The following KPNA6 variants were observed in gnomAD, a reference collection of about 807,000 sequenced individuals.
KPNA6 encodes importin subunit alpha-7.
In KPNA6, 9 loss-of-function variants were observed where a neutral mutation model predicts 72.0. That is an observed-to-expected ratio of 0.13 (90% CI 0.08 to 0.22). The LOEUF is 0.22. Ranked by LOEUF, KPNA6 falls within the 10% of genes least tolerant of loss-of-function variation. KPNA6 has a pLI of 1.00. For synonymous variants in KPNA6, 219 were observed against 242.1 expected (o/e 0.90, Z 0.89); for missense variants, 374 against 655.7 (o/e 0.57, Z 4.69).
chr1:32,150,572 C>T (rs1642010961), intron 1 of KPNA6, among the ~76,000 whole-genome samples: 1 of 152,112 alleles, frequency 6.6e-6, no homozygotes, highest in Non-Finnish European at 1.5e-5. Flanking sequence ...TAACTTTTGA[C>T]TGATTTTTCT....
Position 32,108,087 on chromosome 1 carries a change from G to A in KPNA6, c.-44G>A, listed in dbSNP as rs764287261. 1.2e-6 allele frequency: 2 copies of A among 1,613,714 alleles called. No individual in the cohort carries two copies. Among genetic ancestry groups the A allele is most frequent in the South Asian group, 1.1e-5 (1 of 91,046 alleles). The stretch of plus-strand genomic sequence containing the variant: ...TCTACTGAAAGCTGCCGCTGAAGCT[G>A]CCGCCGTTGCCTCCGCCGCCAAGAG... On this transcript the variant is annotated 5_prime_UTR_variant, in exon 1 of 14. Transcript: ENST00000373625.
rs67312157 is a variant in KPNA6, at chr1:32,128,387, TTATATATATATATATATATATATATA to T, written c.4+20268_4+20293del. ...TATATTTTTTATATTATATATGTAT[TTATATATATATATATATATATATATA>T]TATATATATATATACACACACACAC... is the stretch of plus-strand genomic sequence containing the variant. On this transcript the variant is annotated intron_variant, in intron 1 of 13. Transcript: ENST00000373625. Among the ~76,000 whole-genome samples the T allele has an allele frequency of 2.2e-4, 16 of 72,170 alleles. 1 individual carries two copies. The highest frequency in any genetic ancestry group is 4.9e-4 in the South Asian group (1 of 2,060). 47.3% of individuals were successfully genotyped at this position (72,170 alleles called of 152,430 possible).
At chr1:32,125,769 TG>T (rs1253384743) in intron 1 of KPNA6, among the ~76,000 whole-genome samples, 4 of 152,266 alleles carry the variant, frequency 2.6e-5, no homozygotes, top group Admixed American at 2.0e-4. Flanking sequence ...CCTAATTTTT[TG>T]AATTTTAGAA....
intron 10 of KPNA6, among the ~76,000 whole-genome samples, chr1:32,165,502 AC>A (rs1323743058): frequency 1.3e-5 from 2 of 151,850 alleles, no homozygotes; most frequent in Admixed American, 1.3e-4. Flanking sequence ...CAGCCCTGCA[AC>A]ATGGGAAGAC....
chr1:32,145,057 A>G (rs544462328), intron 1 of KPNA6, among the ~76,000 whole-genome samples: 4 of 147,888 alleles, frequency 2.7e-5, no homozygotes, highest in African/African-American at 1.0e-4. Flanking sequence ...GGTTCATGCC[A>G]TTCTTCTGCC....
intron 1 of KPNA6, among the ~76,000 whole-genome samples, chr1:32,115,292 C>T (rs544303696): frequency 3.3e-5 from 5 of 152,084 alleles, no homozygotes; most frequent in Admixed American, 1.3e-4. Context: ...CCCGCTACCA[C>T]GCCCGGCTAA....
chr1:32,158,014 CCTTT>C (rs1364234687), intron 4 of KPNA6, among the ~76,000 whole-genome samples: 7 of 152,304 alleles, frequency 4.6e-5, no homozygotes, highest in Admixed American at 4.6e-4. Flanking sequence ...CTCTCCCACA[CCTTT>C]CTTTGCTTAC....
At chr1:32,164,027 A>G (rs1030553726) in intron 10 of KPNA6, among the ~76,000 whole-genome samples, 2 of 152,182 alleles carry the variant, frequency 1.3e-5, no homozygotes, top group African/African-American at 4.8e-5. Flanking sequence ...ATCATCTCAA[A>G]CTGAAACCGT....
chr1:32,160,816 A>G lies in KPNA6; in HGVS notation c.647+113A>G, dbSNP rs138639071. ...ATGATAGGTAAGTGCAAAAACTATA[A>G]AAATGCATTCTGATTGCCAAAGTAA... On this transcript the variant is annotated intron_variant, in intron 7 of 13. Transcript: ENST00000373625. 32 of 731,784 alleles carry G rather than the reference A, an allele frequency of 4.4e-5. No individual in the cohort carries two copies. In the East Asian group the frequency reaches 6.7e-4, roughly 15 times the overall value. The allele number at this position is 731,784 out of a possible 1,614,324, so 45.3% of individuals were successfully genotyped here. A position where few individuals can be genotyped will look rare whatever the true frequency, so the allele number is the denominator to read the frequency against.
rs950397958 is a variant in KPNA6 at position 32,165,536 on chromosome 1, AT to A, written c.991-568del. 3.3e-5 allele frequency among the ~76,000 whole-genome samples: 5 copies of A among 152,040 alleles called. No individual in the cohort carries two copies. The East Asian group carries it at 5.8e-4, about 18-fold the overall frequency. ...GACCCTGTCTCTACAAAAAAAAAAA[AT>A]GTTTTTTAATTAGCAGAGTGCGGTG... is the stretch of plus-strand genomic sequence containing the variant. On this transcript the variant is annotated intron_variant, in intron 10 of 13. Transcript: ENST00000373625.
intron 6 of KPNA6, among the ~76,000 whole-genome samples, chr1:32,160,009 G>A (rs905800347): frequency 6.6e-6 from 1 of 152,182 alleles, no homozygotes; most frequent in Non-Finnish European, 1.5e-5. Flanking sequence ...CTACAAGAGT[G>A]CAACTTTCGC....
At chr1:32,168,030 T>C (rs895930678) in intron 12 of KPNA6, among the ~76,000 whole-genome samples, 2 of 152,092 alleles carry the variant, frequency 1.3e-5, no homozygotes, top group African/African-American at 4.8e-5. Context: ...TAGCAGGTTG[T>C]AGTGGCGTGT....
rs112781386 is a variant in KPNA6 at position 32,144,066 on chromosome 1, A to G, written c.5-10522A>G. 2.8e-4 allele frequency among the ~76,000 whole-genome samples: 43 copies of G among 152,338 alleles called. 1 individual carries two copies. Among genetic ancestry groups the G allele is most frequent in the African/African-American group, 9.6e-4 (40 of 41,574 alleles). On this transcript the variant is annotated intron_variant, in intron 1 of 13. Transcript: ENST00000373625. ...ACTATATTATTTCCTATACATACGT[A>G]CCTATGATGAAGTTTAATTTGTAAA... is the stretch of plus-strand genomic sequence containing the variant.
At chr1:32,110,845 C>T (rs1405297963) in intron 1 of KPNA6, among the ~76,000 whole-genome samples, 2 of 152,106 alleles carry the variant, frequency 1.3e-5, no homozygotes, top group Non-Finnish European at 2.9e-5. Flanking sequence ...TGCAGTGAGC[C>T]GAGATCATGC....
In KPNA6 at chr1:32,170,071, T is replaced by C; in HGVS notation, c.1423+11T>C. ...TAGAGGAAGCCTATGGTATGTGCCC[T>C]CTCCTCAATCTAGGTCAGAACCTGA... On this transcript the variant is annotated intron_variant, in intron 13 of 13. Transcript: ENST00000373625. 1 of 1,609,888 alleles carries C rather than the reference T, an allele frequency of 6.2e-7. No homozygotes were observed.
chr1:32,129,574 G>C (rs1379300121), intron 1 of KPNA6, among the ~76,000 whole-genome samples: 1 of 151,434 alleles, frequency 6.6e-6, no homozygotes, highest in Non-Finnish European at 1.5e-5. Context: ...TTTTTATTTG[G>C]AGACAGGGTC....
At chr1:32,124,201 C>T (rs1295897461) in intron 1 of KPNA6, among the ~76,000 whole-genome samples, 1 of 151,758 alleles carries the variant, frequency 6.6e-6, no homozygotes, top group African/African-American at 2.4e-5. Flanking sequence ...GATCAAACCC[C>T]GTGTCTACAG....
intron 1 of KPNA6, among the ~76,000 whole-genome samples, chr1:32,125,456 A>G (rs950226028): frequency 6.6e-6 from 1 of 152,172 alleles, no homozygotes; most frequent in African/African-American, 2.4e-5. Context: ...ATCTCTTGCC[A>G]TATCGAGATC....
intron 1 of KPNA6, among the ~76,000 whole-genome samples, chr1:32,141,672 C>T (rs373500070): frequency 9.2e-5 from 14 of 152,028 alleles, no homozygotes; most frequent in African/African-American, 3.4e-4. Flanking sequence ...GTTGGGGTTA[C>T]AGACATGAGC....
Sources: gnomAD v4.1 joint callset for allele counts (sites outside exome capture counted in the v4.1 genomes callset) on GRCh38, gnomAD v4.1.1 for gene constraint, MANE v1.5 for transcripts, NCBI Gene and HGNC (gene_info 2026-07-23, HGNC 2026-07-21) for gene names.